Variants in CACNG2 observed in about 807,000 individuals in gnomAD.
CACNG2 encodes voltage-dependent calcium channel gamma-2 subunit.
In CACNG2, 3 loss-of-function variants were observed where a neutral mutation model predicts 25.9. The observed-to-expected ratio is 0.12, with a 90% CI of 0.05 to 0.30. The LOEUF (loss-of-function observed/expected upper bound fraction) is 0.30. CACNG2 is among the 10% of genes least tolerant of loss of function. The probability of loss-of-function intolerance (pLI) is 1.00; values close to 1 mark genes in which losing one functional copy is unlikely to be tolerated. For synonymous variants in CACNG2, 167 were observed against 173.3 expected (o/e 0.96, Z 0.29); for missense variants, 341 against 432.5 (o/e 0.79, Z 1.88).
At chr22:36,656,000 G>T (rs1333198167) in intron 1 of CACNG2, among the ~76,000 whole-genome samples, 1 of 151,980 alleles carries the variant, frequency 6.6e-6, no homozygotes, top group Non-Finnish European at 1.5e-5. Context: ...TAGAGACAGG[G>T]TTTCACCATG....
intron 2 of CACNG2, among the ~76,000 whole-genome samples, chr22:36,569,517 G>A (rs999849171): frequency 2.0e-5 from 3 of 152,144 alleles, no homozygotes; most frequent in African/African-American, 7.2e-5. Context: ...GTAACATGGG[G>A]TATGGCCTGT....
intron 1 of CACNG2, among the ~76,000 whole-genome samples, chr22:36,659,817 G>C (rs961982463): frequency 2.0e-5 from 3 of 152,074 alleles, no homozygotes; most frequent in Non-Finnish European, 4.4e-5. Context: ...GAATATCTGC[G>C]CGGCCCCTCC....
chr22:36,657,391 GA>G (rs1319109188), intron 1 of CACNG2, among the ~76,000 whole-genome samples: 3 of 152,096 alleles, frequency 2.0e-5, no homozygotes, highest in African/African-American at 7.2e-5. Flanking sequence ...GGCCTCAAAG[GA>G]AAACAGTCCC....
At chr22:36,648,719 G>A (rs972031363) in intron 1 of CACNG2, among the ~76,000 whole-genome samples, 1 of 152,038 alleles carries the variant, frequency 6.6e-6, no homozygotes, top group Admixed American at 6.5e-5. Context: ...CTCAGTAAAC[G>A]GCCCTGCCAT....
In CACNG2 at chr22:36,663,031, T is replaced by G. The variant is rs146578465; in HGVS notation, c.211+39335A>C. Among the ~76,000 whole-genome samples, 65 of 131,174 alleles carry G rather than the reference T, an allele frequency of 5.0e-4. 1 individual carries two copies. In the East Asian group the frequency reaches 0.012, roughly 25 times the overall value. The allele number at this position is 131,174 out of a possible 152,430, so 86.1% of individuals were successfully genotyped here. A position where few individuals can be genotyped will look rare whatever the true frequency, so the allele number is the denominator to read the frequency against. On this transcript the variant is annotated intron_variant, in intron 1 of 3. Coordinates refer to ENST00000300105, the MANE Select transcript of CACNG2 (RefSeq NM_006078.5). ...CACTCACGATATGTTTCTAGAATAA[T>G]AAGAGTTAAAAAAAAAAGAGAGAGA...
chr22:36,635,485 T>A (rs532369762), intron 1 of CACNG2, among the ~76,000 whole-genome samples: 4 of 152,250 alleles, frequency 2.6e-5, no homozygotes, highest in African/African-American at 9.6e-5. Flanking sequence ...CCACTTACCA[T>A]GTCAAAAGAC....
chr22:36,633,301 CTATG>C (rs1443818181), intron 1 of CACNG2, among the ~76,000 whole-genome samples: 1 of 152,208 alleles, frequency 6.6e-6, no homozygotes, highest in African/African-American at 2.4e-5. Context: ...TTCCCAATAA[CTATG>C]TGTTGAATGA....
chr22:36,696,648 C>T (rs1227968690), intron 1 of CACNG2, among the ~76,000 whole-genome samples: 1 of 152,164 alleles, frequency 6.6e-6, no homozygotes. Flanking sequence ...GAGAGACAGA[C>T]ACCACATATA....
At chr22:36,649,485 G>A (rs960446719) in intron 1 of CACNG2, among the ~76,000 whole-genome samples, 5 of 152,094 alleles carry the variant, frequency 3.3e-5, no homozygotes, top group African/African-American at 1.2e-4. Flanking sequence ...GTAGATATAG[G>A]GTTTCACCAT....
intron 1 of CACNG2, among the ~76,000 whole-genome samples, chr22:36,673,931 A>G (rs539433198): frequency 3.3e-4 from 51 of 152,286 alleles, no homozygotes; most frequent in African/African-American, 1.2e-3. Context: ...ACGTGCCTTT[A>G]ATTGAGGGCG....
At chr22:36,690,363 T>C (rs115328567) in intron 1 of CACNG2, among the ~76,000 whole-genome samples, 2,619 of 6,376 alleles carry the variant, frequency 0.41, 76 homozygotes, top group African/African-American at 0.49. Flanking sequence ...TCTTTTTTTT[T>C]CCCCCCAAGG....
intron 1 of CACNG2, among the ~76,000 whole-genome samples, chr22:36,686,090 A>G (rs1169492965): frequency 4.6e-5 from 7 of 152,244 alleles, no homozygotes; most frequent in Non-Finnish European, 1.0e-4. Context: ...CTTTGCCGAC[A>G]TCTGAACTGG....
At chr22:36,618,029 C>T (rs1303649676) in intron 1 of CACNG2, among the ~76,000 whole-genome samples, 1 of 152,122 alleles carries the variant, frequency 6.6e-6, no homozygotes, top group Admixed American at 6.6e-5. Flanking sequence ...TAAGTGCCAT[C>T]CTGGGTGGAG....
chr22:36,678,751 C>T (rs1388087637), intron 1 of CACNG2, among the ~76,000 whole-genome samples: 1 of 152,000 alleles, frequency 6.6e-6, no homozygotes, highest in East Asian at 1.9e-4. Context: ...TCTCTTCTTG[C>T]ACCTAGGACA....
At chr22:36,598,971 C>T (rs1395171710) in intron 1 of CACNG2, among the ~76,000 whole-genome samples, 1 of 152,216 alleles carries the variant, frequency 6.6e-6, no homozygotes, top group East Asian at 1.9e-4. Flanking sequence ...GAGTGAGACC[C>T]TGCCCCCAAT....
At chr22:36,594,332 G>C (rs547162808) in intron 1 of CACNG2, among the ~76,000 whole-genome samples, 2 of 152,328 alleles carry the variant, frequency 1.3e-5, no homozygotes, top group South Asian at 4.1e-4. Flanking sequence ...TACTATATTA[G>C]AAGGAGGTAT....
chr22:36,669,769 A>G (rs1480711289), intron 1 of CACNG2, among the ~76,000 whole-genome samples: 1 of 151,734 alleles, frequency 6.6e-6, no homozygotes, highest in Non-Finnish European at 1.5e-5. Context: ...CTTGAGTGCA[A>G]TGGTGAGATC....
At position 36,611,829 on chromosome 22, in the gene CACNG2, A is replaced by G. The variant is rs138092632; in HGVS notation, c.212-24281T>C. Among the ~76,000 whole-genome samples, 723 of 152,202 alleles carry G rather than the reference A, an allele frequency of 4.8e-3. 6 individuals carry two copies. The highest frequency in any genetic ancestry group is 0.016 in the African/African-American group (677 of 41,528). On this transcript the variant is annotated intron_variant, in intron 1 of 3. Transcript: ENST00000300105. ...CATCATCCCCAATTCCAGCCTGTAA[A>G]AATGATAGCCGTCTCGGGGACAAGG...
At chr22:36,672,289 T>C (rs529968622) in intron 1 of CACNG2, among the ~76,000 whole-genome samples, 1 of 152,296 alleles carries the variant, frequency 6.6e-6, no homozygotes, top group East Asian at 1.9e-4. Flanking sequence ...TTCAAGTAGC[T>C]GGAGCTACAG....
Sources: gnomAD v4.1 joint callset for allele counts (sites outside exome capture counted in the v4.1 genomes callset) on GRCh38, gnomAD v4.1.1 for gene constraint, MANE v1.5 for transcripts, NCBI Gene and HGNC (gene_info 2026-07-23, HGNC 2026-07-21) for gene names.